Variants in VAV3 observed in about 807,000 individuals in gnomAD.
VAV3 encodes guanine nucleotide exchange factor VAV3.
Under a neutral mutation model 131.2 loss-of-function variants are expected in VAV3, and 94 were observed. That is an observed-to-expected ratio of 0.72 (90% CI 0.61 to 0.85). The LOEUF is 0.85. VAV3 is among the 40% of genes least tolerant of loss of function. The pLI, the probability that VAV3 is intolerant of heterozygous loss-of-function variation, is 0.00. For missense variants in VAV3, 939 were observed against 1,002.7 expected (o/e 0.94, Z 0.86); for synonymous variants, 349 against 342.0 (o/e 1.02, Z -0.22).
chr1:107,805,104 T>A (rs74439495), intron 2 of VAV3, among the ~76,000 whole-genome samples: 4,453 of 152,258 alleles, frequency 0.029, 118 homozygotes, highest in African/African-American at 0.065. Context: ...TTCTTTGTCC[T>A]TGACCTTTGA....
At chr1:107,686,120 C>T (rs1186183366) in intron 18 of VAV3, among the ~76,000 whole-genome samples, 5 of 151,618 alleles carry the variant, frequency 3.3e-5, no homozygotes, top group African/African-American at 9.7e-5. Context: ...CCTTATCTTT[C>T]TTTCCCTCTA....
At chr1:107,811,406 A>G (rs1667310997) in intron 2 of VAV3, among the ~76,000 whole-genome samples, 1 of 152,222 alleles carries the variant, frequency 6.6e-6, no homozygotes, top group Non-Finnish European at 1.5e-5. Context: ...TTAAAATAGG[A>G]TGACGCTCTG....
chr1:107,837,395 T>C (rs1426883998), intron 2 of VAV3, among the ~76,000 whole-genome samples: 1 of 152,064 alleles, frequency 6.6e-6, no homozygotes, highest in African/African-American at 2.4e-5. Flanking sequence ...AAACTCTCAA[T>C]AGACTAGGCA....
chr1:107,821,872 G>C lies in VAV3; in HGVS notation c.322-42380C>G, dbSNP rs143776185. ...AAGAGCAAGGTCTCGTATAAAGAAA[G>C]TGATTTATTCCAAAGCTATCTTAGG... On this transcript the variant is annotated intron_variant, in intron 2 of 26. Transcript: ENST00000370056. Among the ~76,000 whole-genome samples, 468 of 152,322 alleles carry C rather than the reference G, an allele frequency of 3.1e-3. 2 individuals are homozygous for C. Among genetic ancestry groups the C allele is most frequent in the African/African-American group, 0.011 (445 of 41,570 alleles).
At chr1:107,578,529 G>A (rs1405874424) in intron 25 of VAV3, among the ~76,000 whole-genome samples, 1 of 152,142 alleles carries the variant, frequency 6.6e-6, no homozygotes, top group Non-Finnish European at 1.5e-5. Context: ...TCTATCCTAT[G>A]TCTGTGAAAA....
intron 20 of VAV3, among the ~76,000 whole-genome samples, chr1:107,635,320 G>A (rs999528987): frequency 1.8e-4 from 27 of 152,106 alleles, no homozygotes; most frequent in Middle Eastern, 6.8e-3. Flanking sequence ...GTCCTTTGTA[G>A]GGACAAGGAT....
intron 2 of VAV3, among the ~76,000 whole-genome samples, chr1:107,833,983 TA>T (rs1262219685): frequency 6.6e-6 from 1 of 152,226 alleles, no homozygotes; most frequent in Non-Finnish European, 1.5e-5. Flanking sequence ...CAGATCTCAA[TA>T]AACCATAACA....
chr1:107,749,735 A>C, intron 13 of VAV3, 141 bp from the exon 14 acceptor site: 2 of 920,644 alleles, frequency 2.2e-6, no homozygotes, highest in Non-Finnish European at 3.2e-6. Flanking sequence ...ACAACGGGGT[A>C]TTTGAGGTTA....
rs1491139384 is a variant in VAV3, at chr1:107,753,528, G to GTATA, written c.1173+1895_1173+1898dup. Among the ~76,000 whole-genome samples the GTATA allele has an allele frequency of 3.3e-4, 24 of 73,148 alleles. 1 individual carries two copies. Among genetic ancestry groups the GTATA allele is most frequent in the South Asian group, 9.4e-4 (2 of 2,122 alleles). 48.0% of individuals were successfully genotyped at this position (73,148 alleles called of 152,430 possible). Reference sequence around the variant, plus strand: ...TATATACACACATATATATATATACGTATATATATATATATATATATACAC... The same window carrying GTATA: ...TATATACACACATATATATATATACGTATATATATATATATATATATATATACAC... On this transcript the variant is annotated intron_variant, in intron 12 of 26. Coordinates refer to ENST00000370056, the MANE Select transcript of VAV3 (RefSeq NM_006113.5).
chr1:107,673,023 G>A (rs1218033271), intron 19 of VAV3, among the ~76,000 whole-genome samples: 1 of 152,142 alleles, frequency 6.6e-6, no homozygotes, highest in Non-Finnish European at 1.5e-5. Flanking sequence ...CCCAGATATT[G>A]TACCTCTATG....
chr1:107,689,837 G>A (rs1006912895), intron 17 of VAV3, among the ~76,000 whole-genome samples: 7 of 152,178 alleles, frequency 4.6e-5, no homozygotes, highest in African/African-American at 1.7e-4. Flanking sequence ...GTGCCATTTG[G>A]CTGGCCCAGT....
At chr1:107,689,163 T>C (rs1440057929) in intron 17 of VAV3, among the ~76,000 whole-genome samples, 1 of 152,134 alleles carries the variant, frequency 6.6e-6, no homozygotes, top group Non-Finnish European at 1.5e-5. Context: ...GGCAGCATCT[T>C]TGCCTCCTTT....
intron 25 of VAV3, among the ~76,000 whole-genome samples, chr1:107,583,428 G>C (rs1650230667): frequency 6.6e-6 from 1 of 152,152 alleles, no homozygotes; most frequent in African/African-American, 2.4e-5. Flanking sequence ...GCAGGAGAAG[G>C]AAATAAAGGG....
At chr1:107,583,560 G>T (rs1018469715) in intron 25 of VAV3, among the ~76,000 whole-genome samples, 1 of 152,126 alleles carries the variant, frequency 6.6e-6, no homozygotes, top group African/African-American at 2.4e-5. Flanking sequence ...CTTCAGCAAA[G>T]TCTCAGGATA....
intron 1 of VAV3, among the ~76,000 whole-genome samples, chr1:107,944,146 C>A (rs1189332584): frequency 6.6e-6 from 1 of 152,218 alleles, no homozygotes. Context: ...GAAAACAGAT[C>A]GAAATGTAGG....
At chr1:107,899,786 T>A (rs571358414) in intron 1 of VAV3, among the ~76,000 whole-genome samples, 1 of 152,284 alleles carries the variant, frequency 6.6e-6, no homozygotes, top group South Asian at 2.1e-4. Context: ...GCCAAACTAA[T>A]AATAACTGGT....
At chr1:107,664,711 A>G (rs1422160062) in intron 19 of VAV3, among the ~76,000 whole-genome samples, 1 of 152,210 alleles carries the variant, frequency 6.6e-6, no homozygotes, top group Non-Finnish European at 1.5e-5. Context: ...ACCATTAAAA[A>G]AAATACTATA....
chr1:107,871,308 T>A (rs1375536144), intron 2 of VAV3, among the ~76,000 whole-genome samples: 1 of 151,976 alleles, frequency 6.6e-6, no homozygotes, highest in East Asian at 1.9e-4. Context: ...TTTCAAAACA[T>A]AAACCCTCAA....
chr1:107,617,680 A>T (rs779088292), intron 20 of VAV3, 48 bp from the exon 21 acceptor site: 1 of 1,559,714 alleles, frequency 6.4e-7, no homozygotes, highest in Non-Finnish European at 8.8e-7. Context: ...TTTACCACAA[A>T]TGATAACCCC....
Sources: allele counts gnomAD v4.1 joint callset (sites outside exome capture counted in the v4.1 genomes callset), GRCh38; gene constraint gnomAD v4.1.1; transcripts MANE v1.5; gene names NCBI Gene and HGNC (gene_info 2026-07-23, HGNC 2026-07-21).